ASIC2: variants seen among roughly 807,000 people sequenced by gnomAD.
ASIC2 encodes the protein acid sensing ion channel subunit 2, also known as acid-sensing ion channel 2.
A neutral mutation model predicts 57.3 loss-of-function variants in ASIC2; 25 were observed. The ratio of observed to expected loss-of-function variants is 0.44; its 90% CI spans 0.32 to 0.61. ASIC2 has a LOEUF of 0.61. ASIC2 is among the 20% of genes least tolerant of loss of function. ASIC2 has a pLI of 0.06. For missense variants in ASIC2, 641 were observed against 738.1 expected (o/e 0.87, Z 1.52); for synonymous variants, 319 against 307.5 (o/e 1.04, Z -0.39).
At chr17:34,127,249 A>G (rs969592302) in intron 1 of ASIC2, among the ~76,000 whole-genome samples, 1 of 152,224 alleles carries the variant, frequency 6.6e-6, no homozygotes, top group African/African-American at 2.4e-5. Flanking sequence ...AGGACTTCCT[A>G]TCACAAGATC....
At chr17:33,443,540 A>G (rs1911904996) in intron 1 of ASIC2, among the ~76,000 whole-genome samples, 1 of 146,312 alleles carries the variant, frequency 6.8e-6, no homozygotes, top group Non-Finnish European at 1.5e-5. Flanking sequence ...CAGCCTCCCA[A>G]GTAGCTGGGA....
At chr17:33,538,350 C>T (rs1225986114) in intron 1 of ASIC2, among the ~76,000 whole-genome samples, 1 of 152,180 alleles carries the variant, frequency 6.6e-6, no homozygotes, top group East Asian at 1.9e-4. Flanking sequence ...TCCATACAGA[C>T]ACGGCCAGTG....
intron 1 of ASIC2, among the ~76,000 whole-genome samples, chr17:33,491,311 T>A (rs185157525): frequency 5.7e-4 from 87 of 152,260 alleles, no homozygotes; most frequent in African/African-American, 2.0e-3. Flanking sequence ...TCTAACATGA[T>A]GCTGGGCACC....
At chr17:33,587,259 T>G (rs1484785583) in intron 1 of ASIC2, among the ~76,000 whole-genome samples, 3 of 152,252 alleles carry the variant, frequency 2.0e-5, no homozygotes, top group African/African-American at 7.2e-5. Flanking sequence ...TTGTTGACCC[T>G]TGGCTTAAAC....
At chr17:34,103,096 C>T (rs1910924652) in intron 1 of ASIC2, among the ~76,000 whole-genome samples, 1 of 152,122 alleles carries the variant, frequency 6.6e-6, no homozygotes, top group African/African-American at 2.4e-5. Context: ...TATTTATTTT[C>T]TATAACAATG....
intron 1 of ASIC2, among the ~76,000 whole-genome samples, chr17:33,453,462 G>A (rs984119010): frequency 2.0e-5 from 3 of 152,136 alleles, no homozygotes; most frequent in African/African-American, 7.2e-5. Context: ...GAGGCAGGGA[G>A]GCCATGAAGG....
At chr17:33,117,681 T>C (rs12452579) in intron 1 of ASIC2, among the ~76,000 whole-genome samples, 37,891 of 152,148 alleles carry the variant, frequency 0.25, 5,564 homozygotes, top group East Asian at 0.47. Flanking sequence ...GTCAAGTCTG[T>C]GGTCATTCTC....
intron 1 of ASIC2, among the ~76,000 whole-genome samples, chr17:33,957,811 CTT>C (rs2141989656): frequency 6.6e-6 from 1 of 152,298 alleles, no homozygotes; most frequent in East Asian, 1.9e-4. Context: ...CCCCCAAAGT[CTT>C]AACTTATTTC....
At chr17:33,242,460 C>G (rs1455928166) in intron 1 of ASIC2, among the ~76,000 whole-genome samples, 1 of 152,060 alleles carries the variant, frequency 6.6e-6, no homozygotes, top group East Asian at 1.9e-4. Flanking sequence ...TCAATGCAAC[C>G]CTGGATAGAG....
chr17:34,037,896 CA>C, intron 1 of ASIC2: 2 of 1,613,820 alleles, frequency 1.2e-6, no homozygotes, highest in Non-Finnish European at 1.7e-6. Flanking sequence ...TGGTTATGGC[CA>C]AAAGGCTTCC....
chr17:33,913,486 G>T (rs1024452025), intron 1 of ASIC2, among the ~76,000 whole-genome samples: 2 of 152,034 alleles, frequency 1.3e-5, no homozygotes, highest in Non-Finnish European at 2.9e-5. Context: ...ATCAAAAGTT[G>T]CAAAGACCTC....
intron 3 of ASIC2, among the ~76,000 whole-genome samples, chr17:33,081,718 A>G (rs1422871100): frequency 6.6e-6 from 1 of 152,214 alleles, no homozygotes; most frequent in Non-Finnish European, 1.5e-5. Flanking sequence ...AGTTGTCAAA[A>G]GCAGGCAGTG....
chr17:33,390,693 G>A (rs549517236), intron 1 of ASIC2, among the ~76,000 whole-genome samples: 1 of 152,284 alleles, frequency 6.6e-6, no homozygotes, highest in Admixed American at 6.5e-5. Context: ...TCTGCCGCTA[G>A]GACCTCTCCA....
intron 1 of ASIC2, chr17:34,081,931 C>T (rs1229983521): frequency 3.3e-5 from 5 of 152,104 alleles, no homozygotes; most frequent in East Asian, 3.8e-4. Context: ...ATTTTCAGAA[C>T]GACAAGCCCC....
chr17:33,879,826 C>T (rs569184243), intron 1 of ASIC2, among the ~76,000 whole-genome samples: 29 of 152,198 alleles, frequency 1.9e-4, no homozygotes, highest in African/African-American at 6.0e-4. Flanking sequence ...CACACCACAC[C>T]TATTCCAAAA....
intron 7 of ASIC2, among the ~76,000 whole-genome samples, chr17:33,019,839 T>TGAGA (rs150027308): frequency 1.3e-5 from 2 of 149,026 alleles, no homozygotes; most frequent in South Asian, 4.3e-4. Flanking sequence ...GGGATCTGTG[T>TGAGA]GAGAGAGAGA....
chr17:33,637,866 C>T (rs1906421243), intron 1 of ASIC2, among the ~76,000 whole-genome samples: 1 of 152,128 alleles, frequency 6.6e-6, no homozygotes, highest in South Asian at 2.1e-4. Flanking sequence ...ATAAGTCTCC[C>T]CAGAGGCTGA....
Position 33,014,022 on chromosome 17 carries a change from G to A in ASIC2, c.1635C>T (p.His545=). The change falls in exon 10 of 10, where the codon CAC becomes CAT. Residue 545 remains histidine (H), a synonymous_variant. Transcript: ENST00000225823. The part of the protein sequence containing the change: ...TMPNHSETIS[H]TVNVPLQTTL... The stretch of plus-strand genomic sequence containing the variant: ...TCGTCTGCAGGGGCACGTTCACAGT[G>A]TGACTGATGGTTTCAGAGTGGTTTG... 1 of 1,605,442 alleles carries A rather than the reference G, an allele frequency of 6.2e-7. No homozygotes were observed. Among genetic ancestry groups the A allele is most frequent in the Non-Finnish European group, 8.5e-7 (1 of 1,175,728 alleles).
chr17:33,383,406 G>T (rs1035172134), intron 1 of ASIC2, among the ~76,000 whole-genome samples: 1 of 152,080 alleles, frequency 6.6e-6, no homozygotes, highest in Non-Finnish European at 1.5e-5. Context: ...TAGCATGTTC[G>T]GCTCCTACCT....
Sources: gnomAD v4.1 joint callset for allele counts (sites outside exome capture counted in the v4.1 genomes callset) on GRCh38, gnomAD v4.1.1 for gene constraint, MANE v1.5 for transcripts, NCBI Gene and HGNC (gene_info 2026-07-23, HGNC 2026-07-21) for gene names.